SCN8A: variants seen among roughly 807,000 people sequenced by gnomAD.
SCN8A encodes sodium voltage-gated channel alpha subunit 8.
SCN8A carries 30 observed loss-of-function variants against 184.1 expected under a neutral mutation model. The ratio of observed to expected loss-of-function variants is 0.16; its 90% CI spans 0.12 to 0.22. The LOEUF is 0.22. SCN8A is among the 10% of genes least tolerant of loss of function. The pLI is 1.00. For missense variants in SCN8A, 1,057 were observed against 2,498.9 expected (o/e 0.42, Z 12.30); for synonymous variants, 852 against 907.0 (o/e 0.94, Z 1.09).
chr12:51,724,381 A>T (rs1471856259), intron 12 of SCN8A, among the ~76,000 whole-genome samples: 1 of 152,194 alleles, frequency 6.6e-6, no homozygotes, highest in Non-Finnish European at 1.5e-5. Flanking sequence ...TGGGAGGCGG[A>T]GGCTGTAATG....
intron 26 of SCN8A, among the ~76,000 whole-genome samples, chr12:51,796,537 T>C (rs1277650590): frequency 6.6e-6 from 1 of 152,204 alleles, no homozygotes; most frequent in Non-Finnish European, 1.5e-5. Context: ...AATCATCTTT[T>C]TAAAGTAAGA....
chr12:51,716,047 G>A (rs945906857), intron 11 of SCN8A, among the ~76,000 whole-genome samples: 9 of 152,168 alleles, frequency 5.9e-5, no homozygotes, highest in Admixed American at 2.0e-4. Context: ...AAAAAGTAGA[G>A]CGTAGGCTGG....
chr12:51,710,939 A>G lies in SCN8A; in HGVS notation c.1635+4224A>G, dbSNP rs994620559. On this transcript the variant is annotated intron_variant, in intron 11 of 26. Coordinates refer to ENST00000627620, the MANE Select transcript of SCN8A (RefSeq NM_001330260.2). ...CTCATATCCTCTTCTCTCTAAATAA[A>G]GTGTTAAAGTCAAGGTCTGCTTCTT... 2.1e-4 allele frequency among the ~76,000 whole-genome samples: 32 copies of G among 152,238 alleles called. 1 individual carries two copies. The highest frequency in any genetic ancestry group is 2.0e-3 in the Admixed American group (30 of 15,282).
chr12:51,755,754 G>T (rs908761937), intron 14 of SCN8A, among the ~76,000 whole-genome samples: 1 of 152,150 alleles, frequency 6.6e-6, no homozygotes, highest in Non-Finnish European at 1.5e-5. Context: ...TGCAAACCAT[G>T]AGTTGATCCT....
At chr12:51,677,551 T>C (rs561428712) in intron 2 of SCN8A, among the ~76,000 whole-genome samples, 2 of 152,316 alleles carry the variant, frequency 1.3e-5, no homozygotes, top group South Asian at 4.1e-4. Flanking sequence ...GGTATGCATA[T>C]GGACGTGCTC....
At chr12:51,743,180 A>G (rs1160862503) in intron 12 of SCN8A, among the ~76,000 whole-genome samples, 3 of 152,192 alleles carry the variant, frequency 2.0e-5, no homozygotes, top group Admixed American at 1.3e-4. Flanking sequence ...CTGAAAGGTC[A>G]CATATCTCTG....
intron 12 of SCN8A, among the ~76,000 whole-genome samples, chr12:51,733,260 AC>A (rs1273836258): frequency 6.6e-6 from 1 of 152,150 alleles, no homozygotes; most frequent in Non-Finnish European, 1.5e-5. Context: ...GTTTTTAACC[AC>A]GAAGGGTGTT....
chr12:51,725,612 T>C (rs1184305684), intron 12 of SCN8A, among the ~76,000 whole-genome samples: 1 of 152,198 alleles, frequency 6.6e-6, no homozygotes, highest in Non-Finnish European at 1.5e-5. Flanking sequence ...GAATTGGACC[T>C]TAAACCATGG....
intron 1 of SCN8A, among the ~76,000 whole-genome samples, chr12:51,620,842 T>A (rs1443491722): frequency 1.3e-5 from 2 of 149,648 alleles, no homozygotes; most frequent in African/African-American, 2.5e-5. Context: ...AAAAAAAAAA[T>A]TAGGTGTGGT....
At chr12:51,699,274 A>C (rs975610108) in intron 6 of SCN8A, among the ~76,000 whole-genome samples, 1 of 152,258 alleles carries the variant, frequency 6.6e-6, no homozygotes, top group Non-Finnish European at 1.5e-5. Flanking sequence ...AGCTGGGCTC[A>C]TATGGGGAAC....
chr12:51,752,400 A>ACT (rs1274013265), intron 14 of SCN8A, among the ~76,000 whole-genome samples: 1 of 150,270 alleles, frequency 6.7e-6, no homozygotes, highest in Non-Finnish European at 1.5e-5. Flanking sequence ...GTGCTCTCTC[A>ACT]CTCTCTCTCT....
intron 12 of SCN8A, among the ~76,000 whole-genome samples, chr12:51,733,648 G>C (rs934009401): frequency 6.6e-6 from 1 of 152,012 alleles, no homozygotes; most frequent in African/African-American, 2.4e-5. Flanking sequence ...GATTGACATT[G>C]GTTCTTCTTT....
intron 22 of SCN8A, 106 bp from the exon 23 acceptor site, chr12:51,788,589 C>G (rs1367639532): frequency 3.3e-5 from 24 of 724,790 alleles, no homozygotes; most frequent in Non-Finnish European, 3.0e-5. Context: ...ACCCAAACCC[C>G]TGTTCTGTGT....
rs781617696 is a variant in SCN8A at position 51,807,246 on chromosome 12, A to G, written c.5760A>G (p.Thr1920=). The change falls in exon 27 of 27, where the codon ACA becomes ACG. Residue 1920 remains threonine (T), a synonymous_variant. Coordinates refer to ENST00000627620, the MANE Select transcript of SCN8A (RefSeq NM_001330260.2). This position sits in a 1 kb window ranked among gnomAD's most constrained non-coding sequence, Gnocchi z 4.5. ...GGCGGGGCTTCATCTGCAAAAAGAC[A>G]ACTTCTAATAAGCTGGAGAATGGAG... ...LARRGFICKK[T]TSNKLENGGT... is the part of the protein sequence containing the mutation. 1.2e-6 allele frequency: 2 copies of G among 1,613,870 alleles called. No individual in the cohort carries two copies. Among genetic ancestry groups the G allele is most frequent in the Non-Finnish European group, 1.7e-6 (2 of 1,179,890 alleles).
chr12:51,740,228 T>C (rs542721603), intron 12 of SCN8A, among the ~76,000 whole-genome samples: 36 of 152,350 alleles, frequency 2.4e-4, no homozygotes, highest in African/African-American at 8.4e-4. Flanking sequence ...ATGGCCAGTT[T>C]TGGGGCCAGT....
Position 51,806,809 on chromosome 12 carries a change from GA to G in SCN8A, c.5326del (p.Ser1776ValfsTer5). ...GGAGAACTTCAGTGTAGCCACAGAG[GA>G]AAGTGCAGACCCTCTGAGTGAGGAT... ...ILENFSVATE[E>X]SADPLSEDDF... is the part of the protein sequence containing the mutation. On this transcript the variant is annotated frameshift_variant, in exon 27 of 27. Coordinates refer to ENST00000627620, the MANE Select transcript of SCN8A (RefSeq NM_001330260.2). LOFTEE classifies it high-confidence loss of function. The surrounding 1 kb of genome is among the most constrained non-coding windows in gnomAD (Gnocchi z 8.7). The G allele has an allele frequency of 6.2e-7, 1 of 1,614,226 alleles. No homozygotes were observed. Among genetic ancestry groups the G allele is most frequent in the Non-Finnish European group, 8.5e-7 (1 of 1,180,048 alleles).
At chr12:51,601,228 G>A (rs1183175805) in intron 1 of SCN8A, among the ~76,000 whole-genome samples, 1 of 152,162 alleles carries the variant, frequency 6.6e-6, no homozygotes, top group African/African-American at 2.4e-5. Flanking sequence ...ATGTTCTCAT[G>A]CAAGTAATAT....
chr12:51,610,224 C>T (rs548695421), intron 1 of SCN8A, among the ~76,000 whole-genome samples: 3 of 150,458 alleles, frequency 2.0e-5, no homozygotes, highest in African/African-American at 4.9e-5. Flanking sequence ...TCTTGGTGTC[C>T]GGTTGTATGA....
chr12:51,653,132 C>T (rs1940752620), intron 1 of SCN8A, among the ~76,000 whole-genome samples: 1 of 152,116 alleles, frequency 6.6e-6, no homozygotes, highest in African/African-American at 2.4e-5. Flanking sequence ...CCAGCCTGAC[C>T]AACAAGGTGA....
Sources: gnomAD v4.1 joint callset for allele counts (sites outside exome capture counted in the v4.1 genomes callset) on GRCh38, gnomAD v4.1.1 for gene constraint, Gnocchi (gnomAD v3.1) non-coding constraint, MANE v1.5 for transcripts, NCBI Gene and HGNC (gene_info 2026-07-23, HGNC 2026-07-21) for gene names.